MSI2: variants seen among roughly 807,000 people sequenced by gnomAD.
MSI2 encodes musashi RNA binding protein 2, also known as RNA-binding protein Musashi homolog 2.
In MSI2, 17 loss-of-function variants were observed where a neutral mutation model predicts 45.6. That is an observed-to-expected ratio of 0.37 (90% confidence interval 0.26 to 0.56). The LOEUF (loss-of-function observed/expected upper bound fraction) is 0.56. MSI2 is among the 20% of genes least tolerant of loss of function. The pLI is 0.77. For synonymous variants in MSI2, 156 were observed against 158.2 expected, an observed-to-expected ratio of 0.99 and a Z score of 0.11; for missense variants, 293 against 444.2, an observed-to-expected ratio of 0.66 and a Z score of 3.06.
intron 5 of MSI2, among the ~76,000 whole-genome samples, chr17:57,375,896 C>T (rs566171914): frequency 3.3e-5 from 5 of 152,306 alleles, no homozygotes; most frequent in Admixed American, 1.3e-4. Context: ...CCCCAGGCCG[C>T]GTTAGCCGAT....
At chr17:57,301,334 T>C (rs1366305291) in intron 5 of MSI2, among the ~76,000 whole-genome samples, 2 of 152,358 alleles carry the variant, frequency 1.3e-5, no homozygotes, top group Admixed American at 6.5e-5. Context: ...AGAAGGACAG[T>C]GATGGTGCTG....
At chr17:57,403,922 A>G (rs2084036618) in intron 6 of MSI2, among the ~76,000 whole-genome samples, 1 of 120,640 alleles carries the variant, frequency 8.3e-6, no homozygotes, top group Non-Finnish European at 1.7e-5. Flanking sequence ...TGAAGGAAAC[A>G]GAATGAATGT....
At position 57,280,876 on chromosome 17, in the gene MSI2, C is replaced by G. The variant is rs1673363411; in HGVS notation, c.312+18684C>G. The stretch of plus-strand genomic sequence containing the variant: ...TTCTTCTAAACCCTACTTCGGAGAC[C>G]ACTGCTTTTGGCCATGGGGAGCACT... On this transcript the variant is annotated intron_variant, in intron 5 of 13. Coordinates refer to ENST00000284073, the MANE Select transcript of MSI2 (RefSeq NM_138962.4). The surrounding 1 kb of genome is among the most constrained non-coding windows in gnomAD (Gnocchi z 4.2). Among the ~76,000 whole-genome samples the G allele has an allele frequency of 6.6e-6, 1 of 151,830 alleles. No homozygotes were observed. The highest frequency in any genetic ancestry group is 2.1e-4 in the South Asian group (1 of 4,774).
At position 57,631,994 on chromosome 17, in the gene MSI2, C is replaced by T. The variant is rs111371751; in HGVS notation, c.727+4691C>T. 262 of 1,410,624 alleles carry T rather than the reference C, an allele frequency of 1.9e-4. 1 individual carries two copies. In the African/African-American group the frequency reaches 3.4e-3, roughly 18 times the overall value. The allele number at this position is 1,410,624 out of a possible 1,614,324, so 87.4% of individuals were successfully genotyped here. A position where few individuals can be genotyped will look rare whatever the true frequency, so the allele number is the denominator to read the frequency against. On this transcript the variant is annotated intron_variant, in intron 10 of 13. Coordinates refer to ENST00000284073, the MANE Select transcript of MSI2 (RefSeq NM_138962.4). Reference sequence around the variant, plus strand: ...TTTTCTCATTTTTAATTCTTGGACTCATGTCCTCATTGCTTCACTCAATTA... The same window carrying T: ...TTTTCTCATTTTTAATTCTTGGACTTATGTCCTCATTGCTTCACTCAATTA...
chr17:57,370,140 C>T (rs954065879), intron 5 of MSI2, among the ~76,000 whole-genome samples: 4 of 152,144 alleles, frequency 2.6e-5, no homozygotes, highest in Middle Eastern at 3.2e-3. Flanking sequence ...AATTTCAAGC[C>T]ATTGGTTTGA....
chr17:57,640,385 G>A (rs1025707155), intron 10 of MSI2, among the ~76,000 whole-genome samples: 4 of 152,188 alleles, frequency 2.6e-5, no homozygotes, highest in African/African-American at 9.6e-5. Context: ...CTTTGGATGT[G>A]AAATGCCATG....
chr17:57,583,188 T>C (rs1278430332), intron 7 of MSI2, among the ~76,000 whole-genome samples: 1 of 152,202 alleles, frequency 6.6e-6, no homozygotes, highest in Non-Finnish European at 1.5e-5. Context: ...GTTACCTACT[T>C]TGTAAGGGTT....
chr17:57,409,449 T>C (rs963672132), intron 6 of MSI2, among the ~76,000 whole-genome samples: 1 of 152,160 alleles, frequency 6.6e-6, no homozygotes, highest in African/African-American at 2.4e-5. Flanking sequence ...ATAAAATAAA[T>C]AGGAGATGGA....
chr17:57,424,660 G>A (rs1228907998), intron 6 of MSI2, among the ~76,000 whole-genome samples: 2 of 152,062 alleles, frequency 1.3e-5, no homozygotes, highest in Non-Finnish European at 2.9e-5. Context: ...TGCTTCAGGG[G>A]TGGCTTCCAT....
intron 6 of MSI2, among the ~76,000 whole-genome samples, chr17:57,493,669 T>C (rs2085919670): frequency 6.6e-6 from 1 of 150,784 alleles, no homozygotes; most frequent in Non-Finnish European, 1.5e-5. Flanking sequence ...CGGGATGATC[T>C]TGTCTCCTAG....
intron 7 of MSI2, among the ~76,000 whole-genome samples, chr17:57,538,098 C>T (rs959042990): frequency 1.3e-5 from 2 of 151,918 alleles, no homozygotes; most frequent in Admixed American, 6.5e-5. Flanking sequence ...GGCCCAGGCT[C>T]TGACTCTCAC....
chr17:57,694,427 G>A, the MSI2 span, among the ~76,000 whole-genome samples: 30 of 152,248 alleles, frequency 2.0e-4, no homozygotes, highest in Admixed American at 9.2e-4. Flanking sequence ...TGATCTGCCC[G>A]TCTCCCAGCA....
chr17:57,479,775 A>C lies in MSI2; in HGVS notation c.406-49901A>C, dbSNP rs553513592. 4.9e-4 allele frequency among the ~76,000 whole-genome samples: 74 copies of C among 152,312 alleles called. 1 individual carries two copies. Among genetic ancestry groups the C allele is most frequent in the Non-Finnish European group, 9.8e-4 (67 of 68,030 alleles). On this transcript the variant is annotated intron_variant, in intron 6 of 13. Transcript: ENST00000284073. ...ATCTGAGCTGCCATCCCTGAGACCT[A>C]CTGTGGGCTAGACAGGCACCTTCCC... is the stretch of plus-strand genomic sequence containing the variant.
intron 5 of MSI2, among the ~76,000 whole-genome samples, chr17:57,385,439 TCTG>T (rs574931006): frequency 7.0e-4 from 106 of 152,252 alleles, no homozygotes; most frequent in African/African-American, 2.4e-3. Context: ...CTGAAAAACT[TCTG>T]CTCATTCGAG....
chr17:57,259,915 A>G (rs1465548568), intron 4 of MSI2: 1 of 152,188 alleles, frequency 6.6e-6, no homozygotes, highest in Non-Finnish European at 1.5e-5. Context: ...GATTGTTTAT[A>G]GACATGTTTT....
At chr17:57,621,450 A>G (rs1486628551) in intron 9 of MSI2, among the ~76,000 whole-genome samples, 1 of 152,224 alleles carries the variant, frequency 6.6e-6, no homozygotes, top group Non-Finnish European at 1.5e-5. Context: ...CATTCAACAA[A>G]TATTTATTAA....
intron 7 of MSI2, among the ~76,000 whole-genome samples, chr17:57,554,098 T>A (rs959534181): frequency 6.6e-6 from 1 of 151,954 alleles, no homozygotes. Context: ...CTGCTCCTCA[T>A]GGGATCCGGG....
intron 6 of MSI2, among the ~76,000 whole-genome samples, chr17:57,434,158 G>T (rs1039981270): frequency 4.6e-5 from 7 of 152,122 alleles, no homozygotes; most frequent in Non-Finnish European, 7.3e-5. Flanking sequence ...GGAGTGCAGT[G>T]GTGTGATCTT....
At position 57,612,181 on chromosome 17, in the gene MSI2, G is replaced by C. The variant is rs1907246833; in HGVS notation, c.538-3789G>C. Among the ~76,000 whole-genome samples the C allele has an allele frequency of 3.2e-5, 3 of 95,224 alleles. 1 individual carries two copies. Among genetic ancestry groups the C allele is most frequent in the African/African-American group, 9.8e-5 (3 of 30,616 alleles). The allele number at this position is 95,224 out of a possible 152,430, so 62.5% of individuals were successfully genotyped here. On this transcript the variant is annotated intron_variant, in intron 8 of 13. Transcript: ENST00000284073. ...AGAGGCTAACAAGTGCAGAAGCAGCGAGGGGCAGGTTGATGTGTGAGTACT... is the reference window on the plus strand; with the variant it reads ...AGAGGCTAACAAGTGCAGAAGCAGCCAGGGGCAGGTTGATGTGTGAGTACT...
Sources: allele counts gnomAD v4.1 joint callset (sites outside exome capture counted in the v4.1 genomes callset), GRCh38; gene constraint gnomAD v4.1.1; non-coding constraint Gnocchi (gnomAD v3.1); transcripts MANE v1.5; gene names NCBI Gene and HGNC (gene_info 2026-07-23, HGNC 2026-07-21).